The following HGFAC variants were observed in gnomAD, a reference collection of about 807,000 sequenced individuals.
The protein encoded by HGFAC is HGF activator, also known as hepatocyte growth factor activator serine protease.
HGFAC carries 76 observed loss-of-function variants against 70.6 expected under a neutral mutation model. The ratio of observed to expected loss-of-function variants is 1.08; its 90% CI spans 0.89 to 1.30. The LOEUF (loss-of-function observed/expected upper bound fraction) is 1.30. Ranked by LOEUF, HGFAC falls within the 50% of genes most tolerant of loss-of-function variation. The pLI, the probability that HGFAC is intolerant of heterozygous loss-of-function variation, is 0.00. For missense variants in HGFAC, 1,044 were observed against 933.7 expected, an observed-to-expected ratio of 1.12 and a Z score of -1.54; for synonymous variants, 464 against 405.3, an observed-to-expected ratio of 1.14 and a Z score of -1.74.
At position 3,441,983 on chromosome 4, in the gene HGFAC, T is replaced by A; in HGVS notation, c.-19T>A. On this transcript the variant is annotated 5_prime_UTR_variant, in exon 1 of 14. Transcript: ENST00000382774. This position sits in a 1 kb window ranked among gnomAD's most constrained non-coding sequence, Gnocchi z 6.0. ...CTCTGCTCCCGCCTCCCACTGCCCCTCAGGCCAGCTCAGGAGCCATGGGGC... is the reference window on the plus strand; with the variant it reads ...CTCTGCTCCCGCCTCCCACTGCCCCACAGGCCAGCTCAGGAGCCATGGGGC... 1 of 1,413,024 alleles carries A rather than the reference T, an allele frequency of 7.1e-7. No homozygotes were observed. Among genetic ancestry groups the A allele is most frequent in the Admixed American group, 2.8e-5 (1 of 36,178 alleles). 87.5% of individuals were successfully genotyped at this position (1,413,024 alleles called of 1,614,324 possible).
rs1379434287 is a variant in HGFAC at position 3,444,661 on chromosome 4, C to A, written c.769C>A (p.His257Asn). ...SSPCLNGGTC[H>N]LIVATGTTVC... ...CCCTTGCCTGAACGGGGGCACCTGC[C>A]ACCTGATCGTGGCCACCGGGACCAC... The change falls in exon 7 of 14, where the codon CAC (histidine) becomes AAC (asparagine). Residue 257 changes from histidine to asparagine, a missense_variant. Coordinates refer to ENST00000382774, the MANE Select transcript of HGFAC (RefSeq NM_001528.4). The A allele has an allele frequency of 2.5e-6, 4 of 1,598,326 alleles. No homozygotes were observed. Among genetic ancestry groups the A allele is most frequent in the Non-Finnish European group, 3.4e-6 (4 of 1,178,542 alleles).
At position 3,448,228 on chromosome 4, in the gene HGFAC, C is replaced by T. The variant is rs746269946; in HGVS notation, c.1737C>T (p.Pro579=). Reference sequence around the variant, plus strand: ...AGGTCTACGGCGCCGACATCAGCCCCAACATGCTCTGTGCCGGCTACTTCG... The same window carrying T: ...AGGTCTACGGCGCCGACATCAGCCCTAACATGCTCTGTGCCGGCTACTTCG... ...SPEVYGADIS[P]NMLCAGYFDC... Residue 579 remains proline, a synonymous_variant, in exon 13 of 14, where the codon CCC becomes CCT. Coordinates refer to ENST00000382774, the MANE Select transcript of HGFAC (RefSeq NM_001528.4). The T allele has an allele frequency of 1.4e-5, 23 of 1,609,234 alleles. No homozygotes were observed. The highest frequency in any genetic ancestry group is 2.7e-5 in the African/African-American group (2 of 74,854).
At chr4:3,442,658 G>A in intron 1 of HGFAC, 74 bp from the exon 2 acceptor site, 1 of 1,132,596 alleles carries the variant, frequency 8.8e-7, no homozygotes, top group Non-Finnish European at 1.2e-6. Context: ...CAGGCTCAGG[G>A]CTGTGACCTC....
In HGFAC at chr4:3,444,036, C is replaced by G; in HGVS notation, c.476-3C>G. The G allele has an allele frequency of 6.3e-7, 1 of 1,589,454 alleles. No homozygotes were observed. The highest frequency in any genetic ancestry group is 8.5e-7 in the Non-Finnish European group (1 of 1,170,630). On this transcript the variant is annotated splice_polypyrimidine_tract_variant and splice_region_variant and intron_variant, in intron 4 of 13. Transcript: ENST00000382774. ...CCTCACACCCCCTCCCGCATGTCCC[C>G]AGCTGCCCTGGATCCCTGTGCCTCC...
Position 3,442,879 on chromosome 4 carries a change from G to T in HGFAC, c.265G>T (p.Ala89Ser), listed in dbSNP as rs1395881235. ...TGGGGGGCTCCCGCCCCCGCCCAGGGCAGTTCCCTCGAGCAGTAGCCCCCA... is the reference window on the plus strand; with the variant it reads ...TGGGGGGCTCCCGCCCCCGCCCAGGTCAGTTCCCTCGAGCAGTAGCCCCCA... ...QSGGLPPPPR[A>S]VPSSSSPQAQ... Residue 89 changes from alanine (A) to serine (S), a missense_variant, in exon 2 of 14, where the codon GCA becomes TCA. Transcript: ENST00000382774. The T allele has an allele frequency of 6.4e-7, 1 of 1,568,954 alleles. No individual in the cohort carries two copies. Among genetic ancestry groups the T allele is most frequent in the Non-Finnish European group, 8.6e-7 (1 of 1,161,742 alleles).
Position 3,443,122 on chromosome 4 carries a change from C to T in HGFAC, c.371C>T (p.Ser124Leu), listed in dbSNP as rs759364423. The change falls in exon 3 of 14, where the codon TCG (serine) becomes TTG (leucine). Residue 124 changes from serine to leucine, a missense_variant. Ser to Leu is a moderately radical substitution (Grantham distance 145). Transcript: ENST00000382774. ...YGGRMLHACT[S>L]EGSAHRKWCA... ...GGCCGCATGCTGCATGCCTGCACTT[C>T]GGAGGGCAGTGCACACAGGAAGTGG... 2.3e-5 allele frequency: 36 copies of T among 1,581,306 alleles called. No homozygotes were observed. Among genetic ancestry groups the T allele is most frequent in the African/African-American group, 5.4e-5 (4 of 74,208 alleles).
At chr4:3,444,270 A>T in intron 5 of HGFAC, 41 bp from the exon 6 acceptor site, 2 of 1,569,178 alleles carry the variant, frequency 1.3e-6, no homozygotes, top group Non-Finnish European at 8.6e-7. Context: ...GCACGGGGAC[A>T]GCAGGTGGCA....
rs1725433659 is a variant in HGFAC at position 3,444,658 on chromosome 4, T to G, written c.766T>G (p.Cys256Gly). The change falls in exon 7 of 14, where the codon TGC (cysteine) becomes GGC (glycine). Residue 256 changes from cysteine (C) to glycine (G), a missense_variant. By Grantham distance (159) the Cys-to-Gly change is radical (BLOSUM62 -3). Coordinates refer to ENST00000382774, the MANE Select transcript of HGFAC (RefSeq NM_001528.4). ...LSSPCLNGGT[C>G]HLIVATGTTV... Reference sequence around the variant, plus strand: ...CAGCCCTTGCCTGAACGGGGGCACCTGCCACCTGATCGTGGCCACCGGGAC... The same window carrying G: ...CAGCCCTTGCCTGAACGGGGGCACCGGCCACCTGATCGTGGCCACCGGGAC... 1 of 1,598,146 alleles carries G rather than the reference T, an allele frequency of 6.3e-7. No individual in the cohort carries two copies. Among genetic ancestry groups the G allele is most frequent in the Non-Finnish European group, 8.5e-7 (1 of 1,178,442 alleles).
In HGFAC at chr4:3,447,441, C is replaced by T. The variant is rs529286372; in HGVS notation, c.1356-51C>T. On this transcript the variant is annotated intron_variant, in intron 10 of 13. Transcript: ENST00000382774. ...GACAGGGGGTGGGGAGAGGTGAGCC[C>T]GGTGGCTGGGGGAGGGCTGGTCCAT... 1.6e-4 allele frequency: 263 copies of T among 1,602,792 alleles called. 3 individuals carry two copies. The South Asian group carries it at 2.6e-3, about 16-fold the overall frequency.
At chr4:3,448,516 G>T (rs1302439957) in intron 13 of HGFAC, among the ~76,000 whole-genome samples, 1 of 152,186 alleles carries the variant, frequency 6.6e-6, no homozygotes, top group Non-Finnish European at 1.5e-5. Flanking sequence ...CTCTGAGAGG[G>T]GCCTGGGGTC....
At chr4:3,445,149 T>G in intron 8 of HGFAC, 116 bp from the exon 9 acceptor site, 5 of 1,283,594 alleles carry the variant, frequency 3.9e-6, no homozygotes, top group Non-Finnish European at 5.5e-6. Flanking sequence ...AGGGCCACTC[T>G]CTTCCCACTG....
chr4:3,445,053 G>A, intron 8 of HGFAC, 60 bp downstream of exon 8: 9 of 1,471,932 alleles, frequency 6.1e-6, no homozygotes, highest in Non-Finnish European at 8.1e-6. Context: ...GTCCTGGGGA[G>A]AGGCCCCCCG....
chr4:3,444,184 G>T (rs375515577), intron 5 of HGFAC, 23 bp downstream of exon 5: 3 of 1,580,330 alleles, frequency 1.9e-6, no homozygotes, highest in East Asian at 2.3e-5. Flanking sequence ...TCGGAGGTCC[G>T]CAGGGGTCCA....
chr4:3,442,988 A>G, intron 2 of HGFAC, 62 bp from the exon 3 acceptor site: 5 of 1,539,320 alleles, frequency 3.2e-6, no homozygotes, highest in Non-Finnish European at 4.4e-6. Flanking sequence ...CTGCGGCTGG[A>G]GGTCCTGAGG....
intron 13 of HGFAC, 41 bp downstream of exon 13, chr4:3,448,317 G>T (rs764931312): frequency 6.3e-7 from 1 of 1,587,848 alleles, no homozygotes. Flanking sequence ...ACTGGTGGGG[G>T]CTCAGCTGGT....
rs775145219 is a variant in HGFAC, at chr4:3,444,760, C to T, written c.841+27C>T. ...TGAGTGGGTCAGCCCCCCGGGGTGC[C>T]CTGGGGCAGTGCCGGGTGGACCCAC... On this transcript the variant is annotated intron_variant, in intron 7 of 13. Transcript: ENST00000382774. 5.1e-6 allele frequency: 8 copies of T among 1,578,054 alleles called. No homozygotes were observed. In the African/African-American group the frequency reaches 1.1e-4, roughly 21 times the overall value.
chr4:3,446,442 C>T, intron 10 of HGFAC, 148 bp downstream of exon 10: 1 of 999,392 alleles, frequency 1.0e-6, no homozygotes, highest in Non-Finnish European at 1.4e-6. Context: ...TCTCTGACCC[C>T]TCTGGGTCTT....
chr4:3,446,784 T>C (rs1314918258), intron 10 of HGFAC, among the ~76,000 whole-genome samples: 1 of 152,122 alleles, frequency 6.6e-6, no homozygotes, highest in African/African-American at 2.4e-5. Context: ...GGGGAGACCC[T>C]GAGACGGAGC....
chr4:3,446,932 C>T (rs933360560), intron 10 of HGFAC, among the ~76,000 whole-genome samples: 2 of 152,214 alleles, frequency 1.3e-5, no homozygotes, highest in African/African-American at 2.4e-5. Flanking sequence ...GCAGAACCTG[C>T]AGCCGGCGGC....
Sources: gnomAD v4.1 joint callset for allele counts (sites outside exome capture counted in the v4.1 genomes callset) on GRCh38, gnomAD v4.1.1 for gene constraint, Gnocchi (gnomAD v3.1) non-coding constraint, MANE v1.5 for transcripts, NCBI Gene and HGNC (gene_info 2026-07-23, HGNC 2026-07-21) for gene names.